The following PTPRU variants were observed in gnomAD, a reference collection of about 807,000 sequenced individuals.
PTPRU encodes protein tyrosine phosphatase receptor type U.
Under a neutral mutation model 166.3 loss-of-function variants are expected in PTPRU, and 69 were observed. The observed-to-expected ratio is 0.41, with a 90% CI of 0.34 to 0.51. The LOEUF (loss-of-function observed/expected upper bound fraction) is 0.51. Among genes scored for constraint, PTPRU ranks in the 20% least tolerant of loss-of-function variants. PTPRU has a pLI of 0.09. For synonymous variants in PTPRU, 793 were observed against 814.0 expected, an observed-to-expected ratio of 0.97 and a Z score of 0.44; for missense variants, 1,657 against 2,013.7, an observed-to-expected ratio of 0.82 and a Z score of 3.39.
intron 1 of PTPRU, among the ~76,000 whole-genome samples, chr1:29,239,676 C>T (rs1683951396): frequency 6.6e-6 from 1 of 152,106 alleles, no homozygotes; most frequent in African/African-American, 2.4e-5. Flanking sequence ...CAGGGGGTAC[C>T]TTGTGCTCCT....
chr1:29,325,544 C>T (rs1389490714), intron 29 of PTPRU, 55 bp from the exon 30 acceptor site: 29 of 1,559,040 alleles, frequency 1.9e-5, no homozygotes, highest in Non-Finnish European at 2.5e-5. Flanking sequence ...CCTCCCCCCA[C>T]AATACTGGAG....
chr1:29,303,878 A>G lies in PTPRU; in HGVS notation c.2500A>G (p.Thr834Ala). The part of the protein sequence containing the change: ...TRGDQRSGGV[T>A]EASSLLGGSP... ...AGGAGACCAGCGCAGCGGTGGGGTC[A>G]CTGAGGCCAGCAGCCTCCTGGGGGG... Residue 834 changes from threonine to alanine, a missense_variant, in exon 16 of 30, where the codon ACT (threonine) becomes GCT (alanine). This residue lies in a region of PTPRU where 1,190 missense variants were observed against 1,477.4 expected (regional missense o/e 0.81). Coordinates refer to ENST00000373779, the MANE Select transcript of PTPRU (RefSeq NM_133178.4). The G allele has an allele frequency of 1.9e-6, 3 of 1,611,908 alleles. No individual in the cohort carries two copies. The highest frequency in any genetic ancestry group is 2.5e-6 in the Non-Finnish European group (3 of 1,178,284).
At chr1:29,319,342 T>C (rs1486366789) in intron 25 of PTPRU, among the ~76,000 whole-genome samples, 1 of 152,132 alleles carries the variant, frequency 6.6e-6, no homozygotes, top group Non-Finnish European at 1.5e-5. Flanking sequence ...GAGCTGGGGC[T>C]CCCTGGCCCT....
At position 29,304,860 on chromosome 1, in the gene PTPRU, G is replaced by T; in HGVS notation, c.2743+11G>T. The T allele has an allele frequency of 1.9e-6, 3 of 1,607,246 alleles. No homozygotes were observed. Among genetic ancestry groups the T allele is most frequent in the South Asian group, 1.1e-5 (1 of 90,678 alleles). ...AGCCAATGCCTGCCTGTGAGTCCTG[G>T]GGAAGGGCCTGGGGTCCAGGGCAGT... On this transcript the variant is annotated intron_variant, in intron 17 of 29. Transcript: ENST00000373779.
intron 14 of PTPRU, among the ~76,000 whole-genome samples, chr1:29,290,173 C>T (rs1490481957): frequency 6.6e-6 from 1 of 152,206 alleles, no homozygotes; most frequent in East Asian, 1.9e-4. Context: ...GCAGCTTCTC[C>T]CACAGCACAG....
In PTPRU at chr1:29,311,781, TC is replaced by T. The variant is rs1353761625; in HGVS notation, c.3072+25del. ...GCGGGTGAGTCTCCCCACCGCCTGT[TC>T]CCTGCAGAGGGTGCCTGAGCAGGGA... On this transcript the variant is annotated intron_variant, in intron 21 of 29. Coordinates refer to ENST00000373779, the MANE Select transcript of PTPRU (RefSeq NM_133178.4). This position sits in a 1 kb window ranked among gnomAD's most constrained non-coding sequence, Gnocchi z 4.1. 1 of 1,603,478 alleles carries T rather than the reference TC, an allele frequency of 6.2e-7. No homozygotes were observed. The highest frequency in any genetic ancestry group is 8.5e-7 in the Non-Finnish European group (1 of 1,171,658).
At chr1:29,281,734 A>G (rs1227715638) in intron 11 of PTPRU, among the ~76,000 whole-genome samples, 1 of 152,206 alleles carries the variant, frequency 6.6e-6, no homozygotes, top group Non-Finnish European at 1.5e-5. Flanking sequence ...CTGGTGTCCA[A>G]CACTCTGGGA....
In PTPRU at chr1:29,310,393, A is replaced by G. The variant is rs564407969; in HGVS notation, c.2821-351A>G. On this transcript the variant is annotated intron_variant, in intron 18 of 29. Transcript: ENST00000373779. ...GCTTCTGGAACCCTGGGAACAGGGC[A>G]GGGCCATTGGGGACTCTGTCTCCGA... Among the ~76,000 whole-genome samples, 62 of 152,218 alleles carry G rather than the reference A, an allele frequency of 4.1e-4. No homozygotes were observed. In the South Asian group the frequency reaches 5.4e-3, roughly 13 times the overall value.
At chr1:29,277,248 C>T (rs1172886014) in intron 8 of PTPRU, among the ~76,000 whole-genome samples, 1 of 152,006 alleles carries the variant, frequency 6.6e-6, no homozygotes, top group African/African-American at 2.4e-5. Context: ...TTTCAGGTGC[C>T]CGCCACCACG....
rs770651109 is a variant in PTPRU, at chr1:29,326,220, C to T, written c.*559C>T. ...ACTGTCCTCCCCAGGGGAACTGCAG[C>T]GCCCTCCTCCCCACTGCCCCCTGCA... On this transcript the variant is annotated 3_prime_UTR_variant, in exon 30 of 30. Transcript: ENST00000373779. 2 of 236,732 alleles carry T rather than the reference C, an allele frequency of 8.4e-6. No individual in the cohort carries two copies. The highest frequency in any genetic ancestry group is 5.7e-5 in the Admixed American group (1 of 17,670). 14.7% of individuals were successfully genotyped at this position (236,732 alleles called of 1,614,324 possible). A position where few individuals can be genotyped will look rare whatever the true frequency, so the allele number is the denominator to read the frequency against.
At chr1:29,255,244 A>G in intron 1 of PTPRU, 31 bp from the exon 2 acceptor site, 1 of 1,606,446 alleles carries the variant, frequency 6.2e-7, no homozygotes, top group Non-Finnish European at 8.5e-7. Context: ...GCCCTGCCTT[A>G]GCCTGGGCTA....
At chr1:29,246,680 G>A (rs2819603) in intron 1 of PTPRU, among the ~76,000 whole-genome samples, 97,491 of 151,622 alleles carry the variant, frequency 0.64, 32,254 homozygotes, top group Non-Finnish European at 0.71. Context: ...CAATGGAGCG[G>A]TCTGGGCTCA....
intron 7 of PTPRU, among the ~76,000 whole-genome samples, chr1:29,267,920 G>A (rs980237858): frequency 7.9e-5 from 12 of 152,212 alleles, no homozygotes; most frequent in Non-Finnish European, 1.5e-4. Flanking sequence ...GTGGTGGGGA[G>A]AAGTGGTCAG....
chr1:29,281,491 C>T (rs1477267176), intron 11 of PTPRU, among the ~76,000 whole-genome samples: 4 of 152,070 alleles, frequency 2.6e-5, no homozygotes, highest in Non-Finnish European at 4.4e-5. Flanking sequence ...GGGAGGGGAG[C>T]GGCAAGATGG....
Position 29,241,577 on chromosome 1 carries a change from T to C in PTPRU, c.73+4860T>C, listed in dbSNP as rs577555027. Among the ~76,000 whole-genome samples, 11 of 149,352 alleles carry C rather than the reference T, an allele frequency of 7.4e-5. No homozygotes were observed. The East Asian group carries it at 1.9e-3, about 26-fold the overall frequency. On this transcript the variant is annotated intron_variant, in intron 1 of 29. Coordinates refer to ENST00000373779, the MANE Select transcript of PTPRU (RefSeq NM_133178.4). ...GTGGGGTGCCATGTGTCTATTTTTT[T>C]TTTTTCTTCTTCTTCTTCTTCTTCT... is the stretch of plus-strand genomic sequence containing the variant.
intron 28 of PTPRU, 146 bp from the exon 29 acceptor site, chr1:29,325,045 C>T: frequency 8.7e-7 from 1 of 1,143,594 alleles, no homozygotes; most frequent in Non-Finnish European, 1.3e-6. Flanking sequence ...CGCCCCTCAC[C>T]TCTGGGCTCT....
intron 7 of PTPRU, among the ~76,000 whole-genome samples, chr1:29,265,987 G>A (rs572528258): frequency 6.9e-5 from 9 of 130,614 alleles, no homozygotes; most frequent in African/African-American, 2.6e-4. Context: ...GCCTATCCCT[G>A]TCTCCCAAAG....
At position 29,279,936 on chromosome 1, in the gene PTPRU, C is replaced by T; in HGVS notation, c.1766-103C>T. 8.0e-7 allele frequency: 1 copy of T among 1,242,976 alleles called. No homozygotes were observed. Among genetic ancestry groups the T allele is most frequent in the East Asian group, 2.4e-5 (1 of 41,122 alleles). 77.0% of individuals were successfully genotyped at this position (1,242,976 alleles called of 1,614,324 possible). The stretch of plus-strand genomic sequence containing the variant: ...GTCAGCAGGAACAAAGAGGCTAAGG[C>T]TGAAGTAGGGGAGATCTGAGGACTG... On this transcript the variant is annotated intron_variant, in intron 10 of 29. Coordinates refer to ENST00000373779, the MANE Select transcript of PTPRU (RefSeq NM_133178.4). The surrounding 1 kb of genome is among the most constrained non-coding windows in gnomAD (Gnocchi z 5.2).
At chr1:29,310,897 A>C (rs1218494969) in intron 19 of PTPRU, 117 bp downstream of exon 19, 1 of 1,282,350 alleles carries the variant, frequency 7.8e-7, no homozygotes, top group African/African-American at 1.5e-5. Context: ...ATGTCTCCCC[A>C]CCGTCGCCAT....
Sources: gnomAD v4.1 joint callset for allele counts (sites outside exome capture counted in the v4.1 genomes callset) on GRCh38, gnomAD v4.1.1 for gene constraint, gnomAD v4.1.1 regional missense constraint, Gnocchi (gnomAD v3.1) non-coding constraint, MANE v1.5 for transcripts, NCBI Gene and HGNC (gene_info 2026-07-23, HGNC 2026-07-21) for gene names.